The following TUBGCP4 variants were observed in gnomAD, a reference collection of about 807,000 sequenced individuals.
The protein encoded by TUBGCP4 is tubulin gamma complex component 4, also known as gamma-tubulin complex component 4.
Under a neutral mutation model 91.6 loss-of-function variants are expected in TUBGCP4, and 54 were observed. The observed-to-expected ratio is 0.59, with a 90% CI of 0.47 to 0.74. TUBGCP4 has a LOEUF of 0.74. Ranked by LOEUF, TUBGCP4 falls within the 30% of genes least tolerant of loss-of-function variation. The pLI is 0.00. For missense variants in TUBGCP4, 593 were observed against 800.9 expected, an observed-to-expected ratio of 0.74 and a Z score of 3.13; for synonymous variants, 297 against 302.8, an observed-to-expected ratio of 0.98 and a Z score of 0.20.
In TUBGCP4 at chr15:43,409,635, G is replaced by C; in HGVS notation, c.*4421G>C. On this transcript the variant is annotated 3_prime_UTR_variant, in exon 18 of 18. Transcript: ENST00000564079. ...TTGCCACTATATTAGGTTACACAAA[G>C]AAACTCCTCACCTGGGCTTCATTGA... 6.7e-7 allele frequency: 1 copy of C among 1,484,492 alleles called. No homozygotes were observed. Among genetic ancestry groups the C allele is most frequent in the South Asian group, 1.3e-5 (1 of 74,814 alleles). The allele number at this position is 1,484,492 out of a possible 1,614,324, so 92.0% of individuals were successfully genotyped here.
chr15:43,387,911 C>T (rs1336285046), intron 9 of TUBGCP4, among the ~76,000 whole-genome samples: 1 of 152,026 alleles, frequency 6.6e-6, no homozygotes, highest in African/African-American at 2.4e-5. Context: ...TGCAGTGGAG[C>T]AGTCGCGGCT....
At chr15:43,374,648 C>T (rs921886009) in intron 1 of TUBGCP4, among the ~76,000 whole-genome samples, 1 of 152,080 alleles carries the variant, frequency 6.6e-6, no homozygotes, top group African/African-American at 2.4e-5. Context: ...CCCATACAAT[C>T]TAGCAGTTCT....
intron 3 of TUBGCP4, 48 bp from the exon 4 acceptor site, chr15:43,376,966 T>C (rs994336057): frequency 6.9e-7 from 1 of 1,452,656 alleles, no homozygotes; most frequent in Admixed American, 1.7e-5. Context: ...ATCAAATAGA[T>C]TTGAGATATT....
chr15:43,409,440 G>C lies in TUBGCP4; in HGVS notation c.*4226G>C, dbSNP rs1162537676. 1 of 535,598 alleles carries C rather than the reference G, an allele frequency of 1.9e-6. No individual in the cohort carries two copies. Among genetic ancestry groups the C allele is most frequent in the African/African-American group, 1.9e-5 (1 of 53,076 alleles). 33.2% of individuals were successfully genotyped at this position (535,598 alleles called of 1,614,324 possible). Reference sequence around the variant, plus strand: ...CTTTTGTCCCAGCAACAGAACCATAGCCATTAACTAACCCAAGGTCCTACC... The same window carrying C: ...CTTTTGTCCCAGCAACAGAACCATACCCATTAACTAACCCAAGGTCCTACC... On this transcript the variant is annotated 3_prime_UTR_variant, in exon 18 of 18. Transcript: ENST00000564079.
rs764830379 is a variant in TUBGCP4, at chr15:43,409,126, T to G, written c.*3912T>G. ...AAGAAAAGAAGCAGAGCCAATGGGT[T>G]TGGTGACTTCTGTGGAAAGCTCCTA... On this transcript the variant is annotated 3_prime_UTR_variant, in exon 18 of 18. Coordinates refer to ENST00000564079, the MANE Select transcript of TUBGCP4 (RefSeq NM_014444.5). 37 of 1,608,482 alleles carry G rather than the reference T, an allele frequency of 2.3e-5. No individual in the cohort carries two copies. The highest frequency in any genetic ancestry group is 2.8e-5 in the Non-Finnish European group (33 of 1,175,366).
rs752341332 is a variant in TUBGCP4 at position 43,408,103 on chromosome 15, G to A, written c.*2889G>A. The A allele has an allele frequency of 6.2e-7, 1 of 1,612,514 alleles. No homozygotes were observed. Among genetic ancestry groups the A allele is most frequent in the Non-Finnish European group, 8.5e-7 (1 of 1,179,270 alleles). ...CACGGGGTTGCCTATGAAGGAGACA[G>A]GAAAGGACCTTAGCATGACAAGTAA... On this transcript the variant is annotated 3_prime_UTR_variant, in exon 18 of 18. Coordinates refer to ENST00000564079, the MANE Select transcript of TUBGCP4 (RefSeq NM_014444.5).
At position 43,397,278 on chromosome 15, in the gene TUBGCP4, T is replaced by C. The variant is rs1261549995; in HGVS notation, c.1236T>C (p.Pro412=). The change falls in exon 12 of 18, where the codon CCT becomes CCC. Residue 412 remains proline, a synonymous_variant. Transcript: ENST00000564079. The part of the protein sequence containing the change: ...KVLLDDDNLL[P]LLHLTIEYHG... The stretch of plus-strand genomic sequence containing the variant: ...TGCTAGATGATGACAACCTTCTCCC[T>C]CTGTTGCACTTGACAATCGAGTATC... The C allele has an allele frequency of 1.2e-6, 2 of 1,614,052 alleles. No individual in the cohort carries two copies. The highest frequency in any genetic ancestry group is 1.7e-5 in the Admixed American group (1 of 60,002).
At chr15:43,382,173 C>T (rs1345699986) in intron 6 of TUBGCP4, among the ~76,000 whole-genome samples, 4 of 149,782 alleles carry the variant, frequency 2.7e-5, no homozygotes, top group African/African-American at 5.0e-5. Context: ...GATCGTGCTA[C>T]AGCACTCCAG....
At position 43,377,063 on chromosome 15, in the gene TUBGCP4, A is replaced by G; in HGVS notation, c.380A>G (p.Asp127Gly). ...ATATCACATGTCAACTACTTCCTAG[A>G]CCAGGTATGCTGCCCAAATAACCAA... ...LSISHVNYFLDQFQLLFPSVM... is the reference protein window; with the variant it reads ...LSISHVNYFLGQFQLLFPSVM... Residue 127 changes from aspartate to glycine, a missense_variant, in exon 4 of 18, where the codon GAC becomes GGC. Asp to Gly is a moderately conservative substitution (Grantham distance 94, BLOSUM62 -1). Coordinates refer to ENST00000564079, the MANE Select transcript of TUBGCP4 (RefSeq NM_014444.5). 6.2e-7 allele frequency: 1 copy of G among 1,613,148 alleles called. No homozygotes were observed. Among genetic ancestry groups the G allele is most frequent in the Non-Finnish European group, 8.5e-7 (1 of 1,179,078 alleles).
chr15:43,404,988 T>TGTCA (rs1274863948), intron 17 of TUBGCP4: 7 of 575,864 alleles, frequency 1.2e-5, no homozygotes, highest in Non-Finnish European at 2.1e-5. Flanking sequence ...CCCAGAGGTC[T>TGTCA]GTCATTCCCA....
At chr15:43,403,569 T>C in intron 15 of TUBGCP4, 114 bp from the exon 16 acceptor site, 2 of 775,976 alleles carry the variant, frequency 2.6e-6, no homozygotes, top group Non-Finnish European at 4.3e-6. Context: ...CCTGTCAGAT[T>C]TGGGAGGTCA....
Position 43,408,311 on chromosome 15 carries a change from C to G in TUBGCP4, c.*3097C>G. ...TGGGCAATGTGGTGAGACCCCATCT[C>G]TACAAAAGACAACAAAAAAATTAGC... On this transcript the variant is annotated 3_prime_UTR_variant, in exon 18 of 18. Coordinates refer to ENST00000564079, the MANE Select transcript of TUBGCP4 (RefSeq NM_014444.5). 2 of 448,466 alleles carry G rather than the reference C, an allele frequency of 4.5e-6. No individual in the cohort carries two copies. The highest frequency in any genetic ancestry group is 2.0e-5 in the African/African-American group (1 of 49,848). 27.8% of individuals were successfully genotyped at this position (448,466 alleles called of 1,614,324 possible).
chr15:43,371,631 C>T (rs1250305222), intron 1 of TUBGCP4, among the ~76,000 whole-genome samples, 199 bp downstream of exon 1: 1 of 152,046 alleles, frequency 6.6e-6, no homozygotes, highest in Non-Finnish European at 1.5e-5. Context: ...GGCTAGAAAA[C>T]GGAGGGCAGA....
intron 8 of TUBGCP4, 97 bp downstream of exon 8, chr15:43,386,053 A>G: frequency 6.5e-7 from 1 of 1,534,226 alleles, no homozygotes; most frequent in East Asian, 2.3e-5. Context: ...CGAGTGGTCG[A>G]TAATATTCCT....
intron 9 of TUBGCP4, among the ~76,000 whole-genome samples, chr15:43,391,939 C>T (rs570770254): frequency 5.3e-4 from 80 of 152,158 alleles, no homozygotes; most frequent in African/African-American, 1.9e-3. Flanking sequence ...CCTATAGTCC[C>T]AGCTACTCGG....
chr15:43,409,394 CTAAACA>C lies in TUBGCP4; in HGVS notation c.*4188_*4193del. The C allele has an allele frequency of 1.8e-6, 1 of 549,114 alleles. No individual in the cohort carries two copies. Among genetic ancestry groups the C allele is most frequent in the South Asian group, 2.7e-5 (1 of 36,432 alleles). 34.0% of individuals were successfully genotyped at this position (549,114 alleles called of 1,614,324 possible). ...GCAACCCTAATAGGGGTTTCTACTA[CTAAACA>C]TAAACATCAATCTTCTTTTGTCCCA... On this transcript the variant is annotated 3_prime_UTR_variant, in exon 18 of 18. Transcript: ENST00000564079.
At chr15:43,386,674 G>A (rs1354327644) in intron 9 of TUBGCP4, among the ~76,000 whole-genome samples, 1 of 130,732 alleles carries the variant, frequency 7.6e-6, no homozygotes, top group Non-Finnish European at 1.6e-5. Flanking sequence ...GCAGTCAGCC[G>A]AGATCACACC....
chr15:43,397,733 CAG>C (rs1434075850), intron 12 of TUBGCP4, among the ~76,000 whole-genome samples: 1 of 152,142 alleles, frequency 6.6e-6, no homozygotes, highest in Non-Finnish European at 1.5e-5. Flanking sequence ...CTTTTGGAGA[CAG>C]AGTCTCACTC....
chr15:43,404,557 G>A lies in TUBGCP4; in HGVS notation c.1988+5G>A, dbSNP rs1022407595. 11 of 1,613,846 alleles carry A rather than the reference G, an allele frequency of 6.8e-6. No homozygotes were observed. In the Admixed American group the frequency reaches 1.2e-4, roughly 17 times the overall value. ...GGCTGGTGGAACTCTGGGCAGGTAG[G>A]AGCAACCCTTGGGTAACTCAGTAGA... On this transcript the variant is annotated splice_donor_5th_base_variant and intron_variant, in intron 17 of 17. Coordinates refer to ENST00000564079, the MANE Select transcript of TUBGCP4 (RefSeq NM_014444.5).
Sources: allele counts gnomAD v4.1 joint callset (sites outside exome capture counted in the v4.1 genomes callset), GRCh38; gene constraint gnomAD v4.1.1; transcripts MANE v1.5; gene names NCBI Gene and HGNC (gene_info 2026-07-23, HGNC 2026-07-21).